CHODL: variants seen among roughly 807,000 people sequenced by gnomAD.
The protein encoded by CHODL is transmembrane protein MT75.
In CHODL, 29 loss-of-function variants were observed where a neutral mutation model predicts 34.5. The observed-to-expected ratio is 0.84, with a 90% confidence interval of 0.63 to 1.15. CHODL has a LOEUF of 1.15. Among genes scored for constraint, CHODL ranks in the 50% most tolerant of loss-of-function variants. The pLI is 0.00. For missense variants in CHODL, 332 were observed against 332.5 expected (o/e 1.00, Z 0.01); for synonymous variants, 125 against 116.1 (o/e 1.08, Z -0.49).
At chr21:18,067,268 A>T (rs1456776888) in intron 2 of CHODL, among the ~76,000 whole-genome samples, 1 of 152,212 alleles carries the variant, frequency 6.6e-6, no homozygotes, top group South Asian at 2.1e-4. Flanking sequence ...CAAAAACCCA[A>T]TGCCTCAGAA....
At chr21:18,134,848 C>G (rs910890075) in intron 2 of CHODL, among the ~76,000 whole-genome samples, 1 of 152,158 alleles carries the variant, frequency 6.6e-6, no homozygotes, top group African/African-American at 2.4e-5. Context: ...GGCATTAATT[C>G]CAATCTATCT....
At chr21:18,010,117 A>C (rs9978502) in intron 1 of CHODL, among the ~76,000 whole-genome samples, 2 of 55,644 alleles carry the variant, frequency 3.6e-5, no homozygotes, top group Admixed American at 2.2e-4. Context: ...CTACTAAAAT[A>C]CAAAAAAAAA....
At chr21:18,127,004 A>C (rs1217773160) in intron 2 of CHODL, among the ~76,000 whole-genome samples, 2 of 152,196 alleles carry the variant, frequency 1.3e-5, no homozygotes, top group African/African-American at 4.8e-5. Context: ...ACTCCAATAG[A>C]CTTCTATACC....
intron 2 of CHODL, among the ~76,000 whole-genome samples, chr21:18,098,002 A>T (rs951811558): frequency 2.0e-5 from 3 of 152,214 alleles, no homozygotes; most frequent in African/African-American, 7.2e-5. Flanking sequence ...TACTTGGAAA[A>T]CTGGCTATGC....
At chr21:17,928,035 G>T (rs866065500) in intron 1 of CHODL, among the ~76,000 whole-genome samples, 1 of 152,268 alleles carries the variant, frequency 6.6e-6, no homozygotes, top group Non-Finnish European at 1.5e-5. Context: ...TATTGAATAG[G>T]TTCACTAGGG....
chr21:18,265,943 A>T lies in CHODL; in HGVS notation c.738-11A>T, dbSNP rs1171901901. ...TTTTAGGCACTAAACATTTTTTCTT[A>T]TGTTTTTCAGTAAAGGAAGAACAAA... On this transcript the variant is annotated splice_polypyrimidine_tract_variant and intron_variant, in intron 5 of 5. Transcript: ENST00000299295. The T allele has an allele frequency of 2.5e-6, 4 of 1,604,406 alleles. No individual in the cohort carries two copies. The highest frequency in any genetic ancestry group is 3.4e-5 in the Admixed American group (2 of 58,228).
At chr21:18,171,114 GTT>G (rs199767934) in intron 2 of CHODL, among the ~76,000 whole-genome samples, 1 of 131,264 alleles carries the variant, frequency 7.6e-6, no homozygotes, top group Admixed American at 7.7e-5. Flanking sequence ...TCCAGAATTT[GTT>G]TTTTTTTTTA....
chr21:18,256,420 C>T (rs1358090294), intron 1 of CHODL, 89 bp from the exon 2 acceptor site: 3 of 1,218,330 alleles, frequency 2.5e-6, no homozygotes, highest in Middle Eastern at 2.3e-4. Flanking sequence ...GTATTTTCTG[C>T]TTTGACTGGT....
At chr21:18,203,686 T>C (rs1601143826) in intron 2 of CHODL, among the ~76,000 whole-genome samples, 1 of 152,162 alleles carries the variant, frequency 6.6e-6, no homozygotes, top group African/African-American at 2.4e-5. Flanking sequence ...GAATATATAG[T>C]ATTTAGAAAA....
intron 1 of CHODL, among the ~76,000 whole-genome samples, chr21:17,972,025 G>A (rs988996579): frequency 2.0e-5 from 3 of 152,078 alleles, no homozygotes; most frequent in South Asian, 2.1e-4. Context: ...ATCAAGAAAC[G>A]TAATCCATCA....
In CHODL at chr21:18,256,535, A is replaced by G. The variant is rs1237481733; in HGVS notation, c.106A>G (p.Lys36Glu). The change falls in exon 2 of 6, where the codon AAG (lysine) becomes GAG (glutamate). Residue 36 changes from lysine (K) to glutamate (E), a missense_variant. Lys to Glu is a moderately conservative substitution (Grantham distance 56). Transcript: ENST00000299295. ...SGQKVCFADF[K>E]HPCYKMAYFH... ...CCAAAAGGTGTGTTTTGCTGACTTC[A>G]AGCATCCCTGCTACAAAATGGCCTA... 4 of 1,612,120 alleles carry G rather than the reference A, an allele frequency of 2.5e-6. No homozygotes were observed. Among genetic ancestry groups the G allele is most frequent in the South Asian group, 2.2e-5 (2 of 91,004 alleles).
intron 1 of CHODL, among the ~76,000 whole-genome samples, chr21:17,932,428 C>T (rs1436246353): frequency 2.0e-5 from 3 of 152,124 alleles, no homozygotes; most frequent in Non-Finnish European, 4.4e-5. Flanking sequence ...GTAGGATCTA[C>T]CATTTGACCC....
chr21:17,918,112 G>A (rs2063155485), intron 1 of CHODL, among the ~76,000 whole-genome samples: 1 of 152,152 alleles, frequency 6.6e-6, no homozygotes, highest in African/African-American at 2.4e-5. Flanking sequence ...GTGTTAGGCA[G>A]ATGAAGAGGC....
At chr21:18,151,587 C>T (rs2072969935) in intron 2 of CHODL, among the ~76,000 whole-genome samples, 1 of 152,170 alleles carries the variant, frequency 6.6e-6, no homozygotes, top group Non-Finnish European at 1.5e-5. Flanking sequence ...ATGAGAACTC[C>T]AGTTTTAAAA....
At chr21:18,122,548 A>AT (rs11415506) in intron 2 of CHODL, among the ~76,000 whole-genome samples, 66,142 of 149,994 alleles carry the variant, frequency 0.44, 15,412 homozygotes, top group East Asian at 0.73. Flanking sequence ...TTTCTGCTCA[A>AT]TTTTTTTTTT....
Position 18,251,440 on chromosome 21 carries a change from T to C in CHODL, c.80-5069T>C, listed in dbSNP as rs1057315745. Among the ~76,000 whole-genome samples the C allele has an allele frequency of 1.1e-4, 7 of 62,676 alleles. 1 individual carries two copies. The highest frequency in any genetic ancestry group is 2.9e-4 in the Non-Finnish European group (7 of 23,794). 41.1% of individuals were successfully genotyped at this position (62,676 alleles called of 152,430 possible). On this transcript the variant is annotated intron_variant, in intron 1 of 5. Coordinates refer to ENST00000299295, the MANE Select transcript of CHODL (RefSeq NM_024944.3). ...TTTATTTTATTTATTTATTTTAATA[T>C]ATAAAAATACATATTTATTTTATTT... is the stretch of plus-strand genomic sequence containing the variant.
At chr21:18,025,118 G>A (rs1449767947) in intron 1 of CHODL, among the ~76,000 whole-genome samples, 4 of 152,026 alleles carry the variant, frequency 2.6e-5, no homozygotes, top group African/African-American at 2.4e-5. Flanking sequence ...CTGCTAATCA[G>A]GTTCAGAAGT....
At chr21:17,946,224 T>C (rs2063407161) in intron 1 of CHODL, among the ~76,000 whole-genome samples, 1 of 152,210 alleles carries the variant, frequency 6.6e-6, no homozygotes, top group Admixed American at 6.5e-5. Flanking sequence ...GAGACCATCC[T>C]GGCTAACATG....
chr21:18,110,634 A>T (rs1021721903), intron 2 of CHODL, among the ~76,000 whole-genome samples: 3 of 152,140 alleles, frequency 2.0e-5, no homozygotes, highest in Non-Finnish European at 4.4e-5. Flanking sequence ...CATGACAAAA[A>T]CCACAAAATA....
Sources: gnomAD v4.1 joint callset for allele counts (sites outside exome capture counted in the v4.1 genomes callset) on GRCh38, gnomAD v4.1.1 for gene constraint, MANE v1.5 for transcripts, NCBI Gene and HGNC (gene_info 2026-07-23, HGNC 2026-07-21) for gene names.